The following ACIN1 variants were observed in gnomAD, a reference collection of about 807,000 sequenced individuals.
ACIN1 encodes apoptotic chromatin condensation inducer in the nucleus.
A neutral mutation model predicts 146.6 loss-of-function variants in ACIN1; 16 were observed. The observed-to-expected ratio is 0.11, with a 90% confidence interval of 0.07 to 0.17. The LOEUF (loss-of-function observed/expected upper bound fraction) is 0.17, where lower values mean the gene tolerates loss of function less well. Among genes scored for constraint, ACIN1 ranks in the 10% least tolerant of loss-of-function variants. The pLI is 1.00. For synonymous variants in ACIN1, 569 were observed against 582.7 expected, an observed-to-expected ratio of 0.98 and a Z score of 0.34; for missense variants, 1,357 against 1,609.3, an observed-to-expected ratio of 0.84 and a Z score of 2.68.
At chr14:23,095,340 C>A (rs753885808), upstream of ACIN1, 6 of 1,541,508 alleles carry the variant, frequency 3.9e-6, no homozygotes, top group Non-Finnish European at 4.4e-6. Context: ...TCTCGCCCTG[C>A]TTTCAGGCTC....
intron 8 of ACIN1, among the ~76,000 whole-genome samples, chr14:23,076,100 GGGGT>G (rs544571773): frequency 6.6e-6 from 1 of 152,206 alleles, no homozygotes; most frequent in Non-Finnish European, 1.5e-5. Flanking sequence ...ACACTCTGGA[GGGGT>G]GAGAGACCAG....
intron 13 of ACIN1, 140 bp from the exon 14 acceptor site, chr14:23,063,214 G>A: frequency 8.7e-7 from 1 of 1,146,954 alleles, no homozygotes; most frequent in Admixed American, 2.4e-5. Context: ...CCTATAATCT[G>A]CAAAGTACTG....
intron 8 of ACIN1, chr14:23,071,049 C>T: frequency 6.9e-7 from 1 of 1,446,962 alleles, no homozygotes; most frequent in African/African-American, 1.4e-5. Flanking sequence ...GGAATGAAAG[C>T]CATGAGGAAG....
intron 13 of ACIN1, 39 bp from the exon 14 acceptor site, chr14:23,063,113 C>T: frequency 6.4e-7 from 1 of 1,562,652 alleles, no homozygotes; most frequent in Non-Finnish European, 8.7e-7. Flanking sequence ...TGGTAGGAAG[C>T]AATACTGGCT....
At chr14:23,069,648 G>GGGGGGGCC in intron 8 of ACIN1, 31 bp from the exon 9 acceptor site, 11 of 589,306 alleles carry the variant, frequency 1.9e-5, no homozygotes, top group Non-Finnish European at 3.2e-5. Flanking sequence ...TGGTGGGGGG[G>GGGGGGGCC]CGGGCAGAAA....
At chr14:23,081,152 G>A (rs1009605414) in intron 5 of ACIN1, among the ~76,000 whole-genome samples, 4 of 151,366 alleles carry the variant, frequency 2.6e-5, no homozygotes, top group African/African-American at 9.7e-5. Context: ...CAATTAATAC[G>A]ATTATCTTTT....
At position 23,061,349 on chromosome 14, in the gene ACIN1, G is replaced by C. The variant is rs144915938; in HGVS notation, c.3373C>G (p.Arg1125Gly). The change falls in exon 17 of 19, where the codon CGC becomes GGC. Residue 1125 changes from arginine (R) to glycine (G), a missense_variant. By Grantham distance (125) the Arg-to-Gly change is moderately radical (BLOSUM62 -2). Transcript: ENST00000605057. Reference sequence around the variant, plus strand: ...GACTTCGCACGTTCCTTGCGGCGGCGGTCACGGGACCTTGATCGGGAACGG... The same window carrying C: ...GACTTCGCACGTTCCTTGCGGCGGCCGTCACGGGACCTTGATCGGGAACGG... Reference protein sequence around the residue: ...GPRSRSRSRDRRRKERAKSKE... With the variant: ...GPRSRSRSRDGRRKERAKSKE... 17 of 1,613,974 alleles carry C rather than the reference G, an allele frequency of 1.1e-5. No individual in the cohort carries two copies. The highest frequency in any genetic ancestry group is 1.4e-5 in the Non-Finnish European group (17 of 1,180,040).
chr14:23,060,781 C>G (rs1457109111), intron 18 of ACIN1, among the ~76,000 whole-genome samples: 2 of 151,922 alleles, frequency 1.3e-5, no homozygotes, highest in Non-Finnish European at 2.9e-5. Flanking sequence ...AAAGTGCTGG[C>G]ATTAGAGGCG....
Position 23,080,212 on chromosome 14 carries a change from G to T in ACIN1, c.1123C>A (p.His375Asn), listed in dbSNP as rs762426892. 1.2e-6 allele frequency: 2 copies of T among 1,614,210 alleles called. No homozygotes were observed. Among genetic ancestry groups the T allele is most frequent in the Admixed American group, 3.3e-5 (2 of 60,020 alleles). Reference sequence around the variant, plus strand: ...ATGGGCTCTATTTCTTCTTCGCTATGGAGCTGTGGATGAGGTGGTGGAGAA... The same window carrying T: ...ATGGGCTCTATTTCTTCTTCGCTATTGAGCTGTGGATGAGGTGGTGGAGAA... ...ASSPPPHPQLHSEEEIEPMEG... is the reference protein window; with the variant it reads ...ASSPPPHPQLNSEEEIEPMEG... The change falls in exon 6 of 19, where the codon CAT becomes AAT. Residue 375 changes from histidine to asparagine, a missense_variant. By Grantham distance (68) the His-to-Asn change is moderately conservative. This residue lies in a region of ACIN1 where 771 missense variants were observed against 746.6 expected (regional missense o/e 1.03). Coordinates refer to ENST00000605057, the MANE Select transcript of ACIN1 (RefSeq NM_001386863.1).
intron 18 of ACIN1, among the ~76,000 whole-genome samples, chr14:23,059,956 G>GTTTTTTTTT (rs397830741): frequency 3.0e-5 from 3 of 100,150 alleles, no homozygotes; most frequent in Admixed American, 2.2e-4. Flanking sequence ...CGCCCCGCCA[G>GTTTTTTTTT]TTTTTTTTTT....
At chr14:23,085,739 G>A (rs2048075192) in intron 4 of ACIN1, among the ~76,000 whole-genome samples, 1 of 152,216 alleles carries the variant, frequency 6.6e-6, no homozygotes, top group Admixed American at 6.5e-5. Context: ...TGAAAAAGGT[G>A]ATATCTTCTA....
intron 1 of ACIN1, 144 bp downstream of exon 1, chr14:23,094,831 C>A: frequency 8.0e-7 from 1 of 1,257,798 alleles, no homozygotes; most frequent in South Asian, 1.5e-5. Context: ...ACCTCATCAA[C>A]CACCGTGCGC....
At position 23,068,875 on chromosome 14, in the gene ACIN1, T is replaced by C. The variant is rs2047538426; in HGVS notation, c.2265+601A>G. On this transcript the variant is annotated intron_variant, in intron 9 of 18. Coordinates refer to ENST00000605057, the MANE Select transcript of ACIN1 (RefSeq NM_001386863.1). The surrounding 1 kb of genome is among the most constrained non-coding windows in gnomAD (Gnocchi z 4.3). ...AGAGCCAAGAAGACTTCGCTGGCTC[T>C]GATGGGGGAAGCCCCCTGAAGTGGG... 3 of 985,408 alleles carry C rather than the reference T, an allele frequency of 3.0e-6. No individual in the cohort carries two copies. Among genetic ancestry groups the C allele is most frequent in the Non-Finnish European group, 3.6e-6 (3 of 829,938 alleles). 61.0% of individuals were successfully genotyped at this position (985,408 alleles called of 1,614,324 possible).
At chr14:23,062,745 C>G (rs1038064945) in intron 14 of ACIN1, 184 bp downstream of exon 14, 1 of 857,990 alleles carries the variant, frequency 1.2e-6, no homozygotes, top group East Asian at 2.7e-5. Context: ...AACAACCCTG[C>G]AGGGCAACAG....
chr14:23,069,503 G>A lies in ACIN1; in HGVS notation c.2238C>T (p.Gly746=). Residue 746 remains glycine (G), a synonymous_variant, in exon 9 of 19, where the codon GGC becomes GGT. Coordinates refer to ENST00000605057, the MANE Select transcript of ACIN1 (RefSeq NM_001386863.1). ...DQVSNDDRPE[G]SVEDEEKKES... ...CTTTCTTCTCCTCATCTTCAACACT[G>A]CCCTCCGGGCGGTCATCATTGCTGA... 1.9e-6 allele frequency: 3 copies of A among 1,614,016 alleles called. No homozygotes were observed. Among genetic ancestry groups the A allele is most frequent in the Non-Finnish European group, 2.5e-6 (3 of 1,179,950 alleles).
At chr14:23,070,151 C>A (rs895722783) in intron 8 of ACIN1, among the ~76,000 whole-genome samples, 1 of 139,514 alleles carries the variant, frequency 7.2e-6, no homozygotes, top group Admixed American at 7.8e-5. Flanking sequence ...TAAGTAAAGG[C>A]CTGCTGATCC....
intron 1 of ACIN1, chr14:23,094,706 T>C (rs1005469377): frequency 3.6e-5 from 23 of 645,972 alleles, no homozygotes; most frequent in Non-Finnish European, 5.0e-5. Context: ...AAGGAGGGGG[T>C]GGGGGAAGGA....
At chr14:23,072,023 G>C (rs1356732157) in intron 8 of ACIN1, among the ~76,000 whole-genome samples, 1 of 152,196 alleles carries the variant, frequency 6.6e-6, no homozygotes, top group Non-Finnish European at 1.5e-5. Flanking sequence ...CAGTAATCTA[G>C]GCATGGAACA....
chr14:23,073,338 G>C (rs1280085622), intron 8 of ACIN1, among the ~76,000 whole-genome samples: 1 of 152,226 alleles, frequency 6.6e-6, no homozygotes, highest in Non-Finnish European at 1.5e-5. Context: ...TGGGTACCAA[G>C]TGGACACTTA....
Sources: allele counts gnomAD v4.1 joint callset (sites outside exome capture counted in the v4.1 genomes callset), GRCh38; gene constraint gnomAD v4.1.1; regional missense constraint gnomAD v4.1.1; non-coding constraint Gnocchi (gnomAD v3.1); transcripts MANE v1.5; gene names NCBI Gene and HGNC (gene_info 2026-07-23, HGNC 2026-07-21).